Variants in ZNF704 observed in about 807,000 individuals in gnomAD.
The protein encoded by ZNF704 is zinc finger protein 704.
ZNF704 carries 10 observed loss-of-function variants against 44.7 expected under a neutral mutation model. That is an observed-to-expected ratio of 0.22 (90% CI 0.14 to 0.38). The LOEUF (loss-of-function observed/expected upper bound fraction) is 0.38, where lower values mean the gene tolerates loss of function less well. Among genes scored for constraint, ZNF704 ranks in the 10% least tolerant of loss-of-function variants. The pLI is 1.00. For synonymous variants in ZNF704, 211 were observed against 207.6 expected (o/e 1.02, Z -0.14); for missense variants, 390 against 545.5 (o/e 0.71, Z 2.84).
intron 3 of ZNF704, among the ~76,000 whole-genome samples, chr8:80,688,902 T>A (rs897415295): frequency 1.4e-5 from 2 of 145,146 alleles, no homozygotes; most frequent in African/African-American, 5.1e-5. Context: ...GAGGTTGCAG[T>A]GAGCTGACAT....
At chr8:80,879,291 C>T (rs1010233025), upstream of ZNF704, among the ~76,000 whole-genome samples, 1 of 150,462 alleles carries the variant, frequency 6.6e-6, no homozygotes, top group Non-Finnish European at 1.5e-5. Context: ...GGCTGGAGTG[C>T]AGTGGCTCAA....
chr8:80,862,259 C>G (rs988514696), intron 1 of ZNF704, among the ~76,000 whole-genome samples: 2 of 151,920 alleles, frequency 1.3e-5, no homozygotes, highest in African/African-American at 4.8e-5. Context: ...CTCAGTTTAA[C>G]ACATAAAGCT....
rs114377106 is a variant in ZNF704, at chr8:80,693,926, T to C, written c.222-819A>G. 7.7e-3 allele frequency among the ~76,000 whole-genome samples: 1,164 copies of C among 152,014 alleles called. 15 individuals are homozygous for C. The highest frequency in any genetic ancestry group is 0.027 in the African/African-American group (1,098 of 41,432). On this transcript the variant is annotated intron_variant, in intron 2 of 8. Coordinates refer to ENST00000327835, the MANE Select transcript of ZNF704 (RefSeq NM_001033723.3). ...TATGGAGAATGGATCTTAGAGAAGG[T>C]AGAATAGAAGGAGGGAGGCCACTTA...
intron 2 of ZNF704, among the ~76,000 whole-genome samples, chr8:80,798,373 A>G (rs1807842679): frequency 6.6e-6 from 1 of 151,878 alleles, no homozygotes; most frequent in African/African-American, 2.4e-5. Context: ...CTCGTGCCTC[A>G]GCCTCCCAAG....
intron 4 of ZNF704, among the ~76,000 whole-genome samples, chr8:80,671,337 C>T (rs1818275112): frequency 6.6e-6 from 1 of 152,136 alleles, no homozygotes; most frequent in South Asian, 2.1e-4. Context: ...CCATGTTGCC[C>T]AGGCTGCGGC....
intron 2 of ZNF704, among the ~76,000 whole-genome samples, chr8:80,809,216 G>A (rs1808044045): frequency 6.6e-6 from 1 of 152,138 alleles, no homozygotes; most frequent in Non-Finnish European, 1.5e-5. Context: ...GCTTGAACCT[G>A]GGAAGTGGAG....
chr8:80,827,677 C>G (rs1808401706), intron 1 of ZNF704, among the ~76,000 whole-genome samples: 1 of 152,162 alleles, frequency 6.6e-6, no homozygotes, highest in Admixed American at 6.5e-5. Context: ...AACTATACTA[C>G]AAGGCTACAG....
intron 2 of ZNF704, among the ~76,000 whole-genome samples, chr8:80,757,747 T>C (rs1201782324): frequency 6.6e-6 from 1 of 152,214 alleles, no homozygotes; most frequent in Non-Finnish European, 1.5e-5. Context: ...AATGTTTAGA[T>C]AGATTTAAAT....
intron 2 of ZNF704, among the ~76,000 whole-genome samples, chr8:80,773,874 T>C (rs1425301086): frequency 6.6e-6 from 1 of 152,198 alleles, no homozygotes; most frequent in African/African-American, 2.4e-5. Flanking sequence ...TGCTTTAAAA[T>C]CTTTGTCAGA....
intron 1 of ZNF704, among the ~76,000 whole-genome samples, chr8:80,872,716 A>G (rs1809273678): frequency 6.6e-6 from 1 of 151,788 alleles, no homozygotes; most frequent in Non-Finnish European, 1.5e-5. Context: ...GTAATAATAA[A>G]CCCCTTATCT....
At chr8:80,828,528 G>C (rs963081025) in intron 1 of ZNF704, among the ~76,000 whole-genome samples, 1 of 152,140 alleles carries the variant, frequency 6.6e-6, no homozygotes, top group Non-Finnish European at 1.5e-5. Flanking sequence ...ATGGGCCTGT[G>C]ATACAATCCA....
chr8:80,792,308 CA>C (rs776043848), intron 2 of ZNF704, among the ~76,000 whole-genome samples: 5 of 152,096 alleles, frequency 3.3e-5, no homozygotes, highest in Non-Finnish European at 7.4e-5. Flanking sequence ...TTAGAACACC[CA>C]AAAAGTATGC....
At chr8:80,651,743 C>T (rs1448303814) in intron 7 of ZNF704, among the ~76,000 whole-genome samples, 7 of 152,096 alleles carry the variant, frequency 4.6e-5, no homozygotes, top group African/African-American at 1.4e-4. Flanking sequence ...CCACTGTCAA[C>T]ATTAGACAGA....
At chr8:80,765,841 A>G (rs1305659727) in intron 2 of ZNF704, among the ~76,000 whole-genome samples, 2 of 152,188 alleles carry the variant, frequency 1.3e-5, no homozygotes, top group Non-Finnish European at 2.9e-5. Flanking sequence ...TCTCTTGGCT[A>G]GATTATAAAA....
chr8:80,680,900 T>G (rs902221955), intron 4 of ZNF704, among the ~76,000 whole-genome samples: 4 of 152,172 alleles, frequency 2.6e-5, no homozygotes, highest in Non-Finnish European at 5.9e-5. Context: ...CATGTGCTGT[T>G]TATAGATGCT....
intron 4 of ZNF704, among the ~76,000 whole-genome samples, chr8:80,684,405 C>G (rs1401758616): frequency 6.6e-6 from 1 of 152,162 alleles, no homozygotes; most frequent in East Asian, 1.9e-4. Context: ...AAGAGTGACT[C>G]ATTAAATTGA....
chr8:80,663,757 T>C (rs1294026011), intron 6 of ZNF704, among the ~76,000 whole-genome samples: 1 of 152,080 alleles, frequency 6.6e-6, no homozygotes, highest in Admixed American at 6.6e-5. Context: ...GACAGGGTCT[T>C]ACTCTGTCAC....
At chr8:80,822,337 G>A (rs1318990381) in intron 1 of ZNF704, among the ~76,000 whole-genome samples, 1 of 135,710 alleles carries the variant, frequency 7.4e-6, no homozygotes, top group Non-Finnish European at 1.5e-5. Flanking sequence ...TGTTCTCATT[G>A]TTTAATTCGC....
At chr8:80,783,275 T>C (rs980693702) in intron 2 of ZNF704, among the ~76,000 whole-genome samples, 1 of 152,212 alleles carries the variant, frequency 6.6e-6, no homozygotes, top group Non-Finnish European at 1.5e-5. Flanking sequence ...CTGTAGGAGT[T>C]TGAAGCCATC....
Sources: gnomAD v4.1 joint callset for allele counts (sites outside exome capture counted in the v4.1 genomes callset) on GRCh38, gnomAD v4.1.1 for gene constraint, MANE v1.5 for transcripts, NCBI Gene and HGNC (gene_info 2026-07-23, HGNC 2026-07-21) for gene names.